The following EIF4G3 variants were observed in gnomAD, a reference collection of about 807,000 sequenced individuals.
EIF4G3 encodes the protein eIF-4-gamma 3.
Under a neutral mutation model 186.4 loss-of-function variants are expected in EIF4G3, and 34 were observed. The ratio of observed to expected loss-of-function variants is 0.18; its 90% confidence interval spans 0.14 to 0.24. EIF4G3 has a LOEUF of 0.24. Among genes scored for constraint, EIF4G3 ranks in the 10% least tolerant of loss-of-function variants. EIF4G3 has a pLI of 1.00. For missense variants in EIF4G3, 1,536 were observed against 1,948.5 expected, an observed-to-expected ratio of 0.79 and a Z score of 3.99; for synonymous variants, 673 against 679.5, an observed-to-expected ratio of 0.99 and a Z score of 0.15.
At chr1:20,941,355 G>A (rs1474333203) in intron 14 of EIF4G3, 136 bp downstream of exon 14, 43 of 1,591,068 alleles carry the variant, frequency 2.7e-5, no homozygotes, top group Non-Finnish European at 3.5e-5. Flanking sequence ...ACACACCACT[G>A]AAGAAACCAG....
intron 2 of EIF4G3, among the ~76,000 whole-genome samples, chr1:21,163,280 G>A (rs911808774): frequency 2.6e-5 from 4 of 152,146 alleles, no homozygotes; most frequent in East Asian, 1.9e-4. Flanking sequence ...AAGGTAATAA[G>A]CTAAGGTCAA....
intron 2 of EIF4G3, among the ~76,000 whole-genome samples, chr1:21,170,441 T>C (rs2097937559): frequency 6.6e-6 from 1 of 152,016 alleles, no homozygotes; most frequent in South Asian, 2.1e-4. Context: ...GAGGCTGAGA[T>C]GGGTGGATCA....
chr1:20,951,076 T>A (rs1402724675), intron 12 of EIF4G3, among the ~76,000 whole-genome samples: 2 of 152,102 alleles, frequency 1.3e-5, no homozygotes, highest in Non-Finnish European at 2.9e-5. Context: ...TTTTTACTTT[T>A]TTTTTTTCTG....
intron 2 of EIF4G3, among the ~76,000 whole-genome samples, chr1:21,124,269 G>A (rs1431981997): frequency 1.3e-5 from 2 of 149,108 alleles, no homozygotes; most frequent in Non-Finnish European, 3.0e-5. Flanking sequence ...TGGGTGACAA[G>A]AGCGAGACTC....
Position 21,031,020 on chromosome 1 carries a change from T to C in EIF4G3, c.-67+19846A>G, listed in dbSNP as rs188273908. ...GGCCAACATGGTGAAACTCCACCCC[T>C]ACTAAAAATACAAAAATTAGCCAGG... On this transcript the variant is annotated intron_variant, in intron 4 of 36. Coordinates refer to ENST00000602326, the MANE Select transcript of EIF4G3 (RefSeq NM_001391906.1). 4.5e-3 allele frequency among the ~76,000 whole-genome samples: 682 copies of C among 152,054 alleles called. 5 individuals are homozygous for C. Among genetic ancestry groups the C allele is most frequent in the African/African-American group, 0.016 (647 of 41,456 alleles).
chr1:20,994,628 C>CTT (rs3081939), intron 7 of EIF4G3, among the ~76,000 whole-genome samples: 6,678 of 124,342 alleles, frequency 0.054, 412 homozygotes, highest in East Asian at 0.13. Context: ...AACATATATA[C>CTT]TTTTTTTTTT....
intron 33 of EIF4G3, 141 bp from the exon 34 acceptor site, chr1:20,817,679 TA>T: frequency 3.0e-5 from 12 of 396,928 alleles, no homozygotes; most frequent in Non-Finnish European, 4.7e-5. Flanking sequence ...TTTATGTTTG[TA>T]GTTTTTTTTT....
intron 18 of EIF4G3, among the ~76,000 whole-genome samples, chr1:20,890,809 T>C (rs1323212477): frequency 6.6e-6 from 1 of 152,226 alleles, no homozygotes; most frequent in Non-Finnish European, 1.5e-5. Flanking sequence ...CCCATCTGTA[T>C]CTACATCAAT....
intron 27 of EIF4G3, among the ~76,000 whole-genome samples, chr1:20,853,299 C>G (rs867763681): frequency 6.6e-6 from 1 of 152,130 alleles, no homozygotes; most frequent in South Asian, 2.1e-4. Context: ...GATTAGCTTG[C>G]GGAGCCCCTA....
chr1:20,913,913 T>C (rs2093569068), intron 14 of EIF4G3, among the ~76,000 whole-genome samples: 1 of 151,086 alleles, frequency 6.6e-6, no homozygotes, highest in African/African-American at 2.4e-5. Context: ...TTCACGCCAT[T>C]CTCCTGCTTC....
intron 14 of EIF4G3, among the ~76,000 whole-genome samples, chr1:20,928,880 G>A (rs554052123): frequency 5.9e-5 from 9 of 152,046 alleles, no homozygotes; most frequent in African/African-American, 1.7e-4. Flanking sequence ...TATTAGCACC[G>A]TCTCCCCACT....
intron 3 of EIF4G3, among the ~76,000 whole-genome samples, chr1:21,077,651 TG>T (rs2095627972): frequency 6.8e-6 from 1 of 147,520 alleles, no homozygotes; most frequent in South Asian, 2.1e-4. Context: ...GAGGCCAAGG[TG>T]GGCAGATCAC....
At chr1:21,008,619 G>A (rs201663310) in intron 4 of EIF4G3, among the ~76,000 whole-genome samples, 15 of 152,286 alleles carry the variant, frequency 9.8e-5, no homozygotes, top group East Asian at 9.6e-4. Context: ...GATTATAGGC[G>A]TGAGCCACTG....
chr1:21,068,372 C>CT (rs1301442030), intron 3 of EIF4G3, among the ~76,000 whole-genome samples: 3 of 28,088 alleles, frequency 1.1e-4, no homozygotes, highest in African/African-American at 1.8e-4. Context: ...GAAACTCTGT[C>CT]TTTAAAAAAA....
In EIF4G3 at chr1:20,807,167, T is replaced by C; in HGVS notation, c.*152A>G. 1.7e-6 allele frequency: 1 copy of C among 588,410 alleles called. No homozygotes were observed. The highest frequency in any genetic ancestry group is 3.1e-5 in the East Asian group (1 of 32,412). The allele number at this position is 588,410 out of a possible 1,614,324, so 36.4% of individuals were successfully genotyped here. On this transcript the variant is annotated 3_prime_UTR_variant, in exon 37 of 37. Coordinates refer to ENST00000602326, the MANE Select transcript of EIF4G3 (RefSeq NM_001391906.1). ...TATCCAGTACCTTTTTCCTCCATGA[T>C]CACCTTTTTTTCTCTTTCCCCTCTC...
chr1:21,083,854 T>C (rs76271010), intron 3 of EIF4G3, among the ~76,000 whole-genome samples: 4,403 of 152,010 alleles, frequency 0.029, 137 homozygotes, highest in East Asian at 0.14. Context: ...ATAACTCAGG[T>C]TTTTTCAACA....
At chr1:21,022,875 T>C (rs962050717) in intron 4 of EIF4G3, among the ~76,000 whole-genome samples, 1 of 152,226 alleles carries the variant, frequency 6.6e-6, no homozygotes, top group African/African-American at 2.4e-5. Context: ...GTTTTCTTTC[T>C]AAAGCTTCCC....
chr1:21,065,671 T>G (rs1261457188), intron 3 of EIF4G3, among the ~76,000 whole-genome samples: 2 of 152,146 alleles, frequency 1.3e-5, no homozygotes, highest in African/African-American at 4.8e-5. Context: ...TATAAGCAAA[T>G]TACTTAAGTT....
At chr1:20,863,919 C>T (rs1488359538) in intron 22 of EIF4G3, among the ~76,000 whole-genome samples, 1 of 152,120 alleles carries the variant, frequency 6.6e-6, no homozygotes, top group African/African-American at 2.4e-5. Context: ...AAGAAGTAAA[C>T]CTCAATCTTG....
Sources: gnomAD v4.1 joint callset for allele counts (sites outside exome capture counted in the v4.1 genomes callset) on GRCh38, gnomAD v4.1.1 for gene constraint, MANE v1.5 for transcripts, NCBI Gene and HGNC (gene_info 2026-07-23, HGNC 2026-07-21) for gene names.